ST6GALNAC5: variants seen among roughly 807,000 people sequenced by gnomAD.
The protein encoded by ST6GALNAC5 is alpha-N-acetylgalactosaminide alpha-2,6-sialyltransferase 5.
A neutral mutation model predicts 33.6 loss-of-function variants in ST6GALNAC5; 27 were observed. The ratio of observed to expected loss-of-function variants is 0.80; its 90% CI spans 0.59 to 1.11. The LOEUF is 1.11. Among genes scored for constraint, ST6GALNAC5 ranks in the 50% least tolerant of loss-of-function variants. ST6GALNAC5 has a pLI of 0.00. For synonymous variants in ST6GALNAC5, 194 were observed against 171.2 expected (o/e 1.13, Z -1.04); for missense variants, 428 against 454.0 (o/e 0.94, Z 0.52).
chr1:76,876,229 C>T (rs1406765196), intron 2 of ST6GALNAC5, among the ~76,000 whole-genome samples: 1 of 152,172 alleles, frequency 6.6e-6, no homozygotes, highest in African/African-American at 2.4e-5. Flanking sequence ...GGTGCCATAT[C>T]GAGGGCTCAG....
chr1:76,942,048 C>A (rs1647354098), intron 2 of ST6GALNAC5, among the ~76,000 whole-genome samples: 1 of 152,014 alleles, frequency 6.6e-6, no homozygotes, highest in Admixed American at 6.6e-5. Flanking sequence ...TATGGAGAGG[C>A]CAGACATGAA....
At chr1:77,020,918 G>C (rs199681) in intron 2 of ST6GALNAC5, among the ~76,000 whole-genome samples, 44,503 of 151,998 alleles carry the variant, frequency 0.29, 7,089 homozygotes, top group African/African-American at 0.42. Context: ...ATGTCCTCTT[G>C]TTGTTACCCG....
intron 2 of ST6GALNAC5, among the ~76,000 whole-genome samples, chr1:76,961,114 G>T (rs185473435): frequency 2.0e-4 from 31 of 152,216 alleles, no homozygotes; most frequent in Admixed American, 1.8e-3. Flanking sequence ...GTATTAATTT[G>T]GGGAACTAAT....
At chr1:77,041,473 G>C (rs540303633) in intron 2 of ST6GALNAC5, among the ~76,000 whole-genome samples, 72 of 152,316 alleles carry the variant, frequency 4.7e-4, no homozygotes, top group African/African-American at 1.7e-3. Context: ...TCAGTGCCTG[G>C]TACGTAATAG....
At chr1:76,950,549 C>T (rs1647702190) in intron 2 of ST6GALNAC5, among the ~76,000 whole-genome samples, 1 of 151,908 alleles carries the variant, frequency 6.6e-6, no homozygotes, top group African/African-American at 2.4e-5. Flanking sequence ...AGAGCTCTGC[C>T]CTCAAGGAGA....
At chr1:76,930,861 G>A (rs189119412) in intron 2 of ST6GALNAC5, among the ~76,000 whole-genome samples, 2 of 152,108 alleles carry the variant, frequency 1.3e-5, no homozygotes, top group African/African-American at 4.8e-5. Context: ...TATATATAAA[G>A]GGAAGATATA....
chr1:77,056,628 C>T (rs951985728), intron 4 of ST6GALNAC5, among the ~76,000 whole-genome samples: 2 of 152,124 alleles, frequency 1.3e-5, no homozygotes, highest in Admixed American at 1.3e-4. Context: ...TCTTACTTGG[C>T]GACAGTCCAC....
At chr1:77,015,902 G>A (rs1650812808) in intron 2 of ST6GALNAC5, among the ~76,000 whole-genome samples, 1 of 151,976 alleles carries the variant, frequency 6.6e-6, no homozygotes, top group Non-Finnish European at 1.5e-5. Flanking sequence ...AGACCCAGGG[G>A]CCTGTTCGGG....
In ST6GALNAC5 at chr1:76,958,143, A is replaced by G. The variant is rs113305871; in HGVS notation, c.262-86061A>G. 6.7e-3 allele frequency among the ~76,000 whole-genome samples: 1,016 copies of G among 152,264 alleles called. 15 individuals carry two copies. Among genetic ancestry groups the G allele is most frequent in the African/African-American group, 0.02 (830 of 41,556 alleles). The stretch of plus-strand genomic sequence containing the variant: ...ATGATGCCCGTTTGCTCTGCTGGTC[A>G]TGATGCCACATGTGACAGCTTTGCT... On this transcript the variant is annotated intron_variant, in intron 2 of 4. Coordinates refer to ENST00000477717, the MANE Select transcript of ST6GALNAC5 (RefSeq NM_030965.3).
chr1:77,043,118 G>A (rs1359542332), intron 2 of ST6GALNAC5, among the ~76,000 whole-genome samples: 1 of 152,226 alleles, frequency 6.6e-6, no homozygotes, highest in East Asian at 1.9e-4. Context: ...AGCGTGTCCT[G>A]TTCAAAGTTA....
chr1:76,909,767 A>C (rs2100277838), intron 2 of ST6GALNAC5, among the ~76,000 whole-genome samples: 1 of 152,218 alleles, frequency 6.6e-6, no homozygotes, highest in South Asian at 2.1e-4. Context: ...AAGCAAAATA[A>C]ATTGGACAAA....
rs1009736455 is a variant in ST6GALNAC5, at chr1:76,875,301, T to C, written c.261+6559T>C. 2.0e-4 allele frequency among the ~76,000 whole-genome samples: 31 copies of C among 152,208 alleles called. 1 individual carries two copies. The highest frequency in any genetic ancestry group is 6.5e-5 in the Admixed American group (1 of 15,284). On this transcript the variant is annotated intron_variant, in intron 2 of 4. Transcript: ENST00000477717. ...ATTCCTGAGGGGTCTGGGTCACTTG[T>C]AGTCCTACCTGGATTGGGCGGTTGT...
chr1:76,890,272 A>G (rs1422327142), intron 2 of ST6GALNAC5, among the ~76,000 whole-genome samples: 1 of 152,162 alleles, frequency 6.6e-6, no homozygotes, highest in East Asian at 1.9e-4. Flanking sequence ...TGAAGCAGAG[A>G]ATTTTTTTTA....
At chr1:76,996,836 G>A (rs928438761) in intron 2 of ST6GALNAC5, among the ~76,000 whole-genome samples, 2 of 152,170 alleles carry the variant, frequency 1.3e-5, no homozygotes, top group Admixed American at 6.5e-5. Context: ...ACCTGCAAAG[G>A]TGTGAGGTGG....
intron 4 of ST6GALNAC5, among the ~76,000 whole-genome samples, chr1:77,054,388 G>T (rs746768047): frequency 6.6e-5 from 10 of 152,194 alleles, no homozygotes; most frequent in Non-Finnish European, 1.2e-4. Context: ...ACCCGACTTG[G>T]TCAGGGGCAG....
At chr1:76,930,922 G>T (rs780545720) in intron 2 of ST6GALNAC5, among the ~76,000 whole-genome samples, 1 of 152,154 alleles carries the variant, frequency 6.6e-6, no homozygotes, top group Non-Finnish European at 1.5e-5. Context: ...TTGTCTCCTG[G>T]TGTTCACACC....
At chr1:76,971,033 T>C (rs1378618584) in intron 2 of ST6GALNAC5, among the ~76,000 whole-genome samples, 4 of 152,168 alleles carry the variant, frequency 2.6e-5, no homozygotes. Context: ...TGAATTGAAA[T>C]GGTAACAGCC....
At chr1:76,904,193 C>A (rs1020415362) in intron 2 of ST6GALNAC5, among the ~76,000 whole-genome samples, 1 of 152,054 alleles carries the variant, frequency 6.6e-6, no homozygotes, top group Non-Finnish European at 1.5e-5. Flanking sequence ...TGAATAGATG[C>A]CAGATGGTAA....
At chr1:76,915,394 G>A (rs978234988) in intron 2 of ST6GALNAC5, among the ~76,000 whole-genome samples, 11 of 152,084 alleles carry the variant, frequency 7.2e-5, no homozygotes, top group South Asian at 2.1e-4. Flanking sequence ...ACATGCACAC[G>A]TATGTTTATT....
Sources: allele counts gnomAD v4.1 joint callset (sites outside exome capture counted in the v4.1 genomes callset), GRCh38; gene constraint gnomAD v4.1.1; transcripts MANE v1.5; gene names NCBI Gene and HGNC (gene_info 2026-07-23, HGNC 2026-07-21).